The following FAM228B variants were observed in gnomAD, a reference collection of about 807,000 sequenced individuals.
FAM228B encodes family with sequence similarity 228 member B.
FAM228B carries 38 observed loss-of-function variants against 42.6 expected under a neutral mutation model. That is an observed-to-expected ratio of 0.89 (90% CI 0.69 to 1.17). The LOEUF (loss-of-function observed/expected upper bound fraction) is 1.17. Among genes scored for constraint, FAM228B ranks in the 50% most tolerant of loss-of-function variants. The pLI, the probability that FAM228B is intolerant of heterozygous loss-of-function variation, is 0.00. For missense variants in FAM228B, 344 were observed against 367.3 expected (o/e 0.94, Z 0.52); for synonymous variants, 109 against 122.3 (o/e 0.89, Z 0.72).
At chr2:24,100,792 T>C (rs1428378896) in intron 3 of FAM228B, among the ~76,000 whole-genome samples, 2 of 152,226 alleles carry the variant, frequency 1.3e-5, no homozygotes, top group Admixed American at 6.5e-5. Flanking sequence ...TAAATCATGC[T>C]ACTATAAAGA....
chr2:24,106,992 T>TA (rs554014330), intron 3 of FAM228B, among the ~76,000 whole-genome samples: 178 of 152,104 alleles, frequency 1.2e-3, no homozygotes, highest in African/African-American at 4.1e-3. Context: ...GCAAGCTGGA[T>TA]AAAAAAGCAA....
At chr2:24,132,702 T>C (rs935787302) in intron 2 of FAM228B, among the ~76,000 whole-genome samples, 1 of 152,012 alleles carries the variant, frequency 6.6e-6, no homozygotes, top group Admixed American at 6.6e-5. Context: ...TTTCTTTATA[T>C]ATCTAGTAAT....
intron 8 of FAM228B, 55 bp from the exon 9 acceptor site, chr2:24,164,143 C>G: frequency 2.8e-6 from 4 of 1,439,302 alleles, no homozygotes; most frequent in Non-Finnish European, 3.7e-6. Context: ...ATATTAAGTG[C>G]TACAGTTGAG....
intron 1 of FAM228B, among the ~76,000 whole-genome samples, chr2:24,078,482 A>T (rs1664857457): frequency 8.0e-5 from 1 of 12,450 alleles, no homozygotes; most frequent in East Asian, 5.8e-3. Flanking sequence ...TGTCTCCATA[A>T]AAAAAAAAAA....
intron 2 of FAM228B, chr2:24,083,148 T>A: frequency 6.2e-7 from 1 of 1,605,866 alleles, no homozygotes; most frequent in Non-Finnish European, 8.5e-7. Flanking sequence ...ATACTGGCCT[T>A]GTCTCTGCAG....
At chr2:24,145,075 C>T (rs1221808291) in intron 5 of FAM228B, among the ~76,000 whole-genome samples, 1 of 152,202 alleles carries the variant, frequency 6.6e-6, no homozygotes, top group African/African-American at 2.4e-5. Flanking sequence ...CCATTGCCCA[C>T]AACATGACCA....
chr2:24,135,976 GTT>G (rs34144721), intron 3 of FAM228B, among the ~76,000 whole-genome samples: 37 of 84,278 alleles, frequency 4.4e-4, no homozygotes, highest in Non-Finnish European at 6.1e-4. Flanking sequence ...ATAGTGAAGG[GTT>G]TTTTTTTTTT....
chr2:24,162,919 T>C (rs1667317482), intron 8 of FAM228B, among the ~76,000 whole-genome samples: 1 of 152,036 alleles, frequency 6.6e-6, no homozygotes, highest in Non-Finnish European at 1.5e-5. Flanking sequence ...GGGCTGGGGA[T>C]GGGAGTGGAG....
At chr2:24,079,619 A>G (rs1174900349) in intron 1 of FAM228B, 23 of 1,614,200 alleles carry the variant, frequency 1.4e-5, no homozygotes, top group Non-Finnish European at 1.9e-5. Flanking sequence ...TATGCAGTCT[A>G]GAATAAGATT....
At chr2:24,137,693 G>T (rs925291184) in intron 3 of FAM228B, among the ~76,000 whole-genome samples, 1 of 152,132 alleles carries the variant, frequency 6.6e-6, no homozygotes, top group African/African-American at 2.4e-5. Context: ...CCCAGGGAGA[G>T]CAGGCATGTT....
At chr2:24,113,784 G>A (rs1411041293) in intron 3 of FAM228B, among the ~76,000 whole-genome samples, 1 of 152,134 alleles carries the variant, frequency 6.6e-6, no homozygotes, top group Non-Finnish European at 1.5e-5. Flanking sequence ...GGCTGAGGCA[G>A]GAGATTCACT....
At position 24,077,501 on chromosome 2, in the gene FAM228B, C is replaced by T. The variant is rs890694018; in HGVS notation, c.-290+532C>T. On this transcript the variant is annotated intron_variant, in intron 1 of 10. Coordinates refer to the FAM228B transcript ENST00000613899. This position sits in a 1 kb window ranked among gnomAD's most constrained non-coding sequence, Gnocchi z 5.5. The stretch of plus-strand genomic sequence containing the variant: ...CTGGAGGAAGCACCGGGTTTCTTGG[C>T]CTGTCTATTGTGAATCTTCTCCAGG... 6.2e-6 allele frequency: 9 copies of T among 1,463,264 alleles called. No individual in the cohort carries two copies. The highest frequency in any genetic ancestry group is 8.2e-6 in the Non-Finnish European group (9 of 1,095,094). 90.6% of individuals were successfully genotyped at this position (1,463,264 alleles called of 1,614,324 possible).
Position 24,124,599 on chromosome 2 carries a change from CTT to C in FAM228B, c.99+141_99+142del, listed in dbSNP as rs1053239463. On this transcript the variant is annotated intron_variant, in intron 2 of 10. Coordinates refer to ENST00000615575, the MANE Select transcript of FAM228B (RefSeq NM_001145710.2). ...TTTATTATTCCCTTCACTTTACTAA[CTT>C]TGTATATTCACTTTGCTGTTTTTTT... The C allele has an allele frequency of 1.3e-4, 73 of 574,652 alleles. No homozygotes were observed. In the African/African-American group the frequency reaches 1.3e-3, roughly 11 times the overall value. The allele number at this position is 574,652 out of a possible 1,614,324, so 35.6% of individuals were successfully genotyped here. A position where few individuals can be genotyped will look rare whatever the true frequency, so the allele number is the denominator to read the frequency against.
intron 2 of FAM228B, among the ~76,000 whole-genome samples, chr2:24,088,454 G>C (rs952316730): frequency 6.6e-6 from 1 of 151,938 alleles, no homozygotes; most frequent in African/African-American, 2.4e-5. Context: ...GGGTTTACGT[G>C]ATTCTCCTGC....
intron 10 of FAM228B, chr2:24,168,040 G>T: frequency 4.0e-6 from 1 of 248,020 alleles, no homozygotes; most frequent in Non-Finnish European, 8.1e-6. Context: ...CTTCACTTAG[G>T]AACATAGCCT....
At chr2:24,134,145 A>G (rs545967431) in intron 2 of FAM228B, among the ~76,000 whole-genome samples, 1 of 152,294 alleles carries the variant, frequency 6.6e-6, no homozygotes, top group Admixed American at 6.5e-5. Context: ...ATAATTTTAC[A>G]TTTTATAGAC....
intron 2 of FAM228B, among the ~76,000 whole-genome samples, chr2:24,127,669 C>CT (rs777600951): frequency 0.032 from 4,623 of 145,418 alleles, 125 homozygotes; most frequent in Middle Eastern, 0.082. Context: ...GCCATTATTT[C>CT]TTTTTTTTTT....
intron 10 of FAM228B, chr2:24,167,933 C>T (rs528601573): frequency 4.9e-6 from 2 of 412,302 alleles, no homozygotes. Context: ...AGAGAAAATT[C>T]CTATTGCTTG....
Position 24,167,634 on chromosome 2 carries a change from T to A in FAM228B, c.940T>A (p.Ser314Thr), listed in dbSNP as rs1010760398. 3 of 1,551,412 alleles carry A rather than the reference T, an allele frequency of 1.9e-6. No individual in the cohort carries two copies. Among genetic ancestry groups the A allele is most frequent in the Admixed American group, 2.0e-5 (1 of 50,970 alleles). ...CTTCAATCTTCATTTAAGGTCTCCC[T>A]CCCCGCGTTTGGGGCTGCTGAAGCT... ...EREEDQDGSP[S>T]PRLGLLKLEL is the part of the protein sequence containing the mutation. The change falls in exon 10 of 11, where the codon TCC becomes ACC. Residue 314 changes from serine to threonine, a missense_variant. Ser to Thr is a moderately conservative substitution (Grantham distance 58). Transcript: ENST00000615575.
Sources: gnomAD v4.1 joint callset for allele counts (sites outside exome capture counted in the v4.1 genomes callset) on GRCh38, gnomAD v4.1.1 for gene constraint, Gnocchi (gnomAD v3.1) non-coding constraint, MANE v1.5 for transcripts, NCBI Gene and HGNC (gene_info 2026-07-23, HGNC 2026-07-21) for gene names.